PRKCH: variants seen among roughly 807,000 people sequenced by gnomAD.
The protein encoded by PRKCH is protein kinase C eta type.
A neutral mutation model predicts 82.5 loss-of-function variants in PRKCH; 28 were observed. The ratio of observed to expected loss-of-function variants is 0.34; its 90% CI spans 0.25 to 0.47. The LOEUF is 0.47. Ranked by LOEUF, PRKCH falls within the 20% of genes least tolerant of loss-of-function variation. The pLI is 1.00. For missense variants in PRKCH, 705 were observed against 881.8 expected, an observed-to-expected ratio of 0.80 and a Z score of 2.54; for synonymous variants, 322 against 327.4, an observed-to-expected ratio of 0.98 and a Z score of 0.18.
At chr14:61,202,552 G>A (rs999577241) in intron 1 of PRKCH, among the ~76,000 whole-genome samples, 2 of 152,202 alleles carry the variant, frequency 1.3e-5, no homozygotes, top group Non-Finnish European at 2.9e-5. Context: ...AGGGAGAGCA[G>A]TGGGGGAGGG....
At chr14:61,218,613 TACAG>T (rs1256437515) in intron 1 of PRKCH, among the ~76,000 whole-genome samples, 38 of 152,128 alleles carry the variant, frequency 2.5e-4, no homozygotes, top group Admixed American at 3.9e-4. Context: ...GCAAAGCATA[TACAG>T]ACAGAGAGTT....
chr14:61,289,022 C>T (rs1320110319), intron 1 of PRKCH, among the ~76,000 whole-genome samples: 5 of 152,222 alleles, frequency 3.3e-5, no homozygotes, highest in Admixed American at 2.6e-4. Context: ...AGGCCATCTT[C>T]AGCAAGGCTC....
At chr14:61,336,220 T>C (rs1344797077) in intron 1 of PRKCH, among the ~76,000 whole-genome samples, 2 of 152,196 alleles carry the variant, frequency 1.3e-5, no homozygotes, top group African/African-American at 4.8e-5. Flanking sequence ...TTTATTTACA[T>C]AGAATTCAAG....
chr14:61,260,013 G>T (rs1473208002), intron 1 of PRKCH, among the ~76,000 whole-genome samples: 3 of 152,138 alleles, frequency 2.0e-5, no homozygotes, highest in African/African-American at 7.2e-5. Flanking sequence ...CTGTGACCCA[G>T]AAAAGATTAA....
intron 1 of PRKCH, among the ~76,000 whole-genome samples, chr14:61,236,524 A>G (rs1057036445): frequency 1.3e-5 from 2 of 152,004 alleles, no homozygotes; most frequent in African/African-American, 2.4e-5. Context: ...CCTGGCCAAG[A>G]TGGTGAAACC....
intron 1 of PRKCH, among the ~76,000 whole-genome samples, chr14:61,241,950 C>T (rs116272651): frequency 1.6e-3 from 239 of 152,210 alleles, no homozygotes; most frequent in African/African-American, 5.6e-3. Flanking sequence ...GGGAGATTAA[C>T]GTGTTGTTCC....
In PRKCH at chr14:61,229,917, G is replaced by C. The variant is rs537782179; in HGVS notation, c.-19+42249G>C. Among the ~76,000 whole-genome samples, 3 of 152,302 alleles carry C rather than the reference G, an allele frequency of 2.0e-5. No homozygotes were observed. The East Asian group carries it at 5.8e-4, about 29-fold the overall frequency. ...CTCCATCAACATTCCAACCCCCTCT[G>C]CTTTTTAAAGCTCAAAAACATTTTC... is the stretch of plus-strand genomic sequence containing the variant. On this transcript the variant is annotated intron_variant, in intron 1 of 3. Transcript: ENST00000555185.
At chr14:61,430,698 C>A (rs1024709812) in intron 2 of PRKCH, among the ~76,000 whole-genome samples, 1 of 151,892 alleles carries the variant, frequency 6.6e-6, no homozygotes, top group African/African-American at 2.4e-5. Context: ...TCACAGCTTG[C>A]ACCAGGGAAA....
intron 1 of PRKCH, among the ~76,000 whole-genome samples, chr14:61,243,563 T>C (rs1266819313): frequency 6.6e-6 from 1 of 152,048 alleles, no homozygotes; most frequent in Non-Finnish European, 1.5e-5. Context: ...TGTTCAGGTA[T>C]GGCAAGACCA....
chr14:61,248,770 A>T (rs1048485558), intron 1 of PRKCH, among the ~76,000 whole-genome samples: 1 of 99,450 alleles, frequency 1.0e-5, no homozygotes, highest in East Asian at 2.6e-4. Flanking sequence ...GTATGTATGT[A>T]TGTATGTATG....
At chr14:61,216,373 G>A (rs1311548959) in intron 1 of PRKCH, among the ~76,000 whole-genome samples, 5 of 151,912 alleles carry the variant, frequency 3.3e-5, no homozygotes, top group African/African-American at 7.3e-5. Context: ...GCTGAGGCAC[G>A]AGAATCATTT....
At chr14:61,445,143 T>C (rs1884160462) in intron 3 of PRKCH, among the ~76,000 whole-genome samples, 1 of 152,192 alleles carries the variant, frequency 6.6e-6, no homozygotes, top group Non-Finnish European at 1.5e-5. Context: ...TCATCACCCA[T>C]AGAATATATT....
chr14:61,525,277 T>C (rs2042951324), intron 10 of PRKCH: 1 of 152,272 alleles, frequency 6.6e-6, no homozygotes, highest in Admixed American at 6.5e-5. Flanking sequence ...AATTACATTA[T>C]GCTCTTAATT....
In PRKCH at chr14:61,248,776, GTATGTATGTATGTATGTA is replaced by G. The variant is rs1320092410; in HGVS notation, c.-19+61110_-19+61127del. 7.1e-4 allele frequency among the ~76,000 whole-genome samples: 77 copies of G among 108,944 alleles called. 2 individuals carry two copies. The South Asian group carries it at 0.022, about 31-fold the overall frequency. 71.5% of individuals were successfully genotyped at this position (108,944 alleles called of 152,430 possible). ...TGTATGTATGTATGTATGTATGTATGTATGTATGTATGTATGTATGTATGTGTGTGTGTGTATGTATTT... is the reference window on the plus strand; with the variant it reads ...TGTATGTATGTATGTATGTATGTATGTGTATGTGTGTGTGTGTATGTATTT... On this transcript the variant is annotated intron_variant, in intron 1 of 3. Coordinates refer to the PRKCH transcript ENST00000555185.
At chr14:61,344,639 G>A (rs557171754) in intron 1 of PRKCH, among the ~76,000 whole-genome samples, 2 of 152,122 alleles carry the variant, frequency 1.3e-5, no homozygotes, top group East Asian at 1.9e-4. Flanking sequence ...GGTACGCCTC[G>A]GGTGACACTT....
At chr14:61,336,202 G>C (rs566066239) in intron 1 of PRKCH, among the ~76,000 whole-genome samples, 40 of 152,342 alleles carry the variant, frequency 2.6e-4, no homozygotes, top group African/African-American at 8.4e-4. Flanking sequence ...TTTGAAAGCA[G>C]TAAGATATTT....
chr14:61,506,135 A>G (rs1178149231), intron 10 of PRKCH, among the ~76,000 whole-genome samples: 4 of 152,294 alleles, frequency 2.6e-5, no homozygotes, highest in Admixed American at 1.3e-4. Flanking sequence ...AGAGAGCAGC[A>G]TTAGAATTTT....
rs117966273 is a variant in PRKCH, at chr14:61,241,899, G to A, written c.-19+54231G>A. On this transcript the variant is annotated intron_variant, in intron 1 of 3. Transcript: ENST00000555185. ...TGTTTTATGGGATAAACCGTGTTAG[G>A]CACTTGGTGCAAGGAAATCATGCCA... Among the ~76,000 whole-genome samples, 1,093 of 152,286 alleles carry A rather than the reference G, an allele frequency of 7.2e-3. 10 individuals are homozygous for A. The highest frequency in any genetic ancestry group is 0.011 in the Non-Finnish European group (734 of 68,022).
chr14:61,340,639 A>G (rs2045920400), intron 1 of PRKCH, among the ~76,000 whole-genome samples: 1 of 152,080 alleles, frequency 6.6e-6, no homozygotes, highest in African/African-American at 2.4e-5. Context: ...TGGCACCTGC[A>G]TTTCTCACCC....
Sources: allele counts gnomAD v4.1 joint callset (sites outside exome capture counted in the v4.1 genomes callset), GRCh38; gene constraint gnomAD v4.1.1; transcripts MANE v1.5; gene names NCBI Gene and HGNC (gene_info 2026-07-23, HGNC 2026-07-21).